GSG1L: variants seen among roughly 807,000 people sequenced by gnomAD.
GSG1L encodes the protein GSG1 like.
GSG1L carries 24 observed loss-of-function variants against 42.1 expected under a neutral mutation model. The ratio of observed to expected loss-of-function variants is 0.57; its 90% CI spans 0.41 to 0.80. GSG1L has a LOEUF of 0.80. GSG1L is among the 30% of genes least tolerant of loss of function. The pLI, the probability that GSG1L is intolerant of heterozygous loss-of-function variation, is 0.00. For synonymous variants in GSG1L, 215 were observed against 203.5 expected (o/e 1.06, Z -0.48); for missense variants, 445 against 472.2 (o/e 0.94, Z 0.53).
intron 5 of GSG1L, among the ~76,000 whole-genome samples, chr16:27,814,183 C>T (rs1191449830): frequency 6.6e-6 from 1 of 152,116 alleles, no homozygotes; most frequent in African/African-American, 2.4e-5. Flanking sequence ...ACAATCATAT[C>T]TCACTGTAAC....
In GSG1L at chr16:27,868,825, T is replaced by TG. The variant is rs145125587; in HGVS notation, c.550+15660dup. Among the ~76,000 whole-genome samples, 1,003 of 152,244 alleles carry TG rather than the reference T, an allele frequency of 6.6e-3. 7 individuals carry two copies. Among genetic ancestry groups the TG allele is most frequent in the Non-Finnish European group, 0.011 (729 of 68,014 alleles). ...CATCGTCTGCCCGTCTGCTGCCCTC[T>TG]GCCATAGCTCCTGCAATATCCCCAG... On this transcript the variant is annotated intron_variant, in intron 3 of 6. Transcript: ENST00000447459.
intron 1 of GSG1L, among the ~76,000 whole-genome samples, chr16:27,977,978 C>T (rs1255360076): frequency 1.3e-5 from 2 of 152,222 alleles, no homozygotes; most frequent in African/African-American, 4.8e-5. Flanking sequence ...CCTGACCTCC[C>T]CTCACCGCTA....
chr16:27,962,613 G>A (rs145593844), intron 2 of GSG1L, among the ~76,000 whole-genome samples: 1 of 152,296 alleles, frequency 6.6e-6, no homozygotes, highest in African/African-American at 2.4e-5. Context: ...CCTGACTCAA[G>A]CTGTGCCCTG....
Position 28,026,205 on chromosome 16 carries a change from T to C in GSG1L, c.349+36871A>G, listed in dbSNP as rs545895139. 6.6e-5 allele frequency among the ~76,000 whole-genome samples: 10 copies of C among 152,204 alleles called. No homozygotes were observed. The East Asian group carries it at 1.9e-3, about 29-fold the overall frequency. The stretch of plus-strand genomic sequence containing the variant: ...GGGCACCTTGAGGGCAGGAGCTGGG[T>C]CTCGCAAGATCTTGCAGGTCCAGCA... On this transcript the variant is annotated intron_variant, in intron 1 of 6. Transcript: ENST00000447459.
intron 2 of GSG1L, among the ~76,000 whole-genome samples, chr16:27,946,575 AAGAAAGAGAGAGAGAGAG>A (rs1232281402): frequency 0.025 from 624 of 24,852 alleles, 3 homozygotes; most frequent in Non-Finnish European, 0.036. Context: ...GAAAGAAAGA[AAGAAAGAGAGAGAGAGAG>A]AGAGAGAGAG....
intron 3 of GSG1L, among the ~76,000 whole-genome samples, chr16:27,861,309 G>A (rs1287668916): frequency 6.6e-6 from 1 of 152,016 alleles, no homozygotes; most frequent in Non-Finnish European, 1.5e-5. Context: ...CCCAGGAGAC[G>A]GAGGTTGCAG....
intron 6 of GSG1L, among the ~76,000 whole-genome samples, chr16:27,803,016 G>A (rs1005620184): frequency 2.0e-5 from 3 of 151,756 alleles, no homozygotes; most frequent in Non-Finnish European, 2.9e-5. Flanking sequence ...AGGCCCTCAC[G>A]AGCCCCTCAA....
At position 27,788,289 on chromosome 16, in the gene GSG1L, C is replaced by T. The variant is rs192434778; in HGVS notation, c.*3081G>A. 6.6e-6 allele frequency: 1 copy of T among 152,344 alleles called. No homozygotes were observed. The highest frequency in any genetic ancestry group is 6.5e-5 in the Admixed American group (1 of 15,304). The allele number at this position is 152,344 out of a possible 1,614,324, so 9.4% of individuals were successfully genotyped here. A position where few individuals can be genotyped will look rare whatever the true frequency, so the allele number is the denominator to read the frequency against. On this transcript the variant is annotated 3_prime_UTR_variant, in exon 7 of 7. Coordinates refer to ENST00000447459, the MANE Select transcript of GSG1L (RefSeq NM_001109763.2). ...CTTTCCTAAGCCAGCCCACTTTCTT[C>T]TCTTTCTTGAGTGTAAGAGGGATGA...
intron 1 of GSG1L, among the ~76,000 whole-genome samples, chr16:28,013,355 G>A (rs1254716708): frequency 2.6e-5 from 4 of 151,196 alleles, no homozygotes; most frequent in Non-Finnish European, 5.9e-5. Flanking sequence ...GAGAGCTGGC[G>A]AGCAGAGGGA....
At chr16:27,997,247 C>CA (rs2085525398) in intron 1 of GSG1L, among the ~76,000 whole-genome samples, 1 of 146,742 alleles carries the variant, frequency 6.8e-6, no homozygotes, top group Non-Finnish European at 1.5e-5. Context: ...CCAGCCATGT[C>CA]AAATCTCCCT....
intron 3 of GSG1L, among the ~76,000 whole-genome samples, chr16:27,847,716 G>A (rs1239576039): frequency 7.2e-5 from 11 of 152,204 alleles, no homozygotes; most frequent in Admixed American, 1.3e-4. Flanking sequence ...TGCTGTTCTC[G>A]TGATAGCGAG....
intron 1 of GSG1L, among the ~76,000 whole-genome samples, chr16:28,007,618 T>C (rs1567553596): frequency 6.6e-6 from 1 of 152,064 alleles, no homozygotes; most frequent in Non-Finnish European, 1.5e-5. Flanking sequence ...GCTCAGGTGA[T>C]CCTGCCACCT....
At position 27,980,901 on chromosome 16, in the gene GSG1L, CA is replaced by C. The variant is rs11390148; in HGVS notation, c.350-17699del. The stretch of plus-strand genomic sequence containing the variant: ...GTCTCAAAAACCAAAAACCAAAAAA[CA>C]AAAAAAAAAAAAAAAGAAAGAAAGA... On this transcript the variant is annotated intron_variant, in intron 1 of 6. Transcript: ENST00000447459. 8.1e-3 allele frequency among the ~76,000 whole-genome samples: 1,030 copies of C among 127,012 alleles called. 14 individuals carry two copies. Among genetic ancestry groups the C allele is most frequent in the African/African-American group, 0.024 (818 of 34,268 alleles). The allele number at this position is 127,012 out of a possible 152,430, so 83.3% of individuals were successfully genotyped here. A position where few individuals can be genotyped will look rare whatever the true frequency, so the allele number is the denominator to read the frequency against.
rs142003621 is a variant in GSG1L, at chr16:27,931,279, G to A, written c.397+31877C>T. Among the ~76,000 whole-genome samples the A allele has an allele frequency of 5.8e-4, 88 of 152,258 alleles. No homozygotes were observed. In the East Asian group the frequency reaches 0.01, roughly 17 times the overall value. On this transcript the variant is annotated intron_variant, in intron 2 of 6. Transcript: ENST00000447459. Reference sequence around the variant, plus strand: ...AGTAGAGGAGGCTGGACAGCTTCCCGGCTGCAATCTCCTGCCCATGCCTGT... The same window carrying A: ...AGTAGAGGAGGCTGGACAGCTTCCCAGCTGCAATCTCCTGCCCATGCCTGT...
intron 2 of GSG1L, among the ~76,000 whole-genome samples, chr16:27,921,323 C>T (rs866628374): frequency 5.9e-5 from 9 of 152,326 alleles, no homozygotes; most frequent in Middle Eastern, 6.8e-3. Flanking sequence ...CCCTCCAAAA[C>T]CCTGGAGTTT....
chr16:27,989,512 GGTGGATCACCTGAGGTCAGGA>G (rs2085430703), intron 1 of GSG1L, among the ~76,000 whole-genome samples: 1 of 152,212 alleles, frequency 6.6e-6, no homozygotes, highest in Non-Finnish European at 1.5e-5. Flanking sequence ...GGCCAAGGCA[GGTGGATCACCTGAGGTCAGGA>G]GTTCGAGACC....
At chr16:27,961,486 G>T (rs2085071731) in intron 2 of GSG1L, among the ~76,000 whole-genome samples, 1 of 152,240 alleles carries the variant, frequency 6.6e-6, no homozygotes, top group African/African-American at 2.4e-5. Context: ...TGCCTCTCAT[G>T]AGGTGTGAGA....
At chr16:27,942,654 AC>A (rs1380438599) in intron 2 of GSG1L, among the ~76,000 whole-genome samples, 2 of 152,214 alleles carry the variant, frequency 1.3e-5, no homozygotes, top group Non-Finnish European at 2.9e-5. Context: ...AGCCATAAAC[AC>A]AAAAAGATGT....
At chr16:27,856,389 C>T (rs554194702) in intron 3 of GSG1L, among the ~76,000 whole-genome samples, 1 of 152,354 alleles carries the variant, frequency 6.6e-6, no homozygotes, top group East Asian at 1.9e-4. Flanking sequence ...TCATAGCTCA[C>T]TGCAGCCTTC....
Sources: allele counts gnomAD v4.1 joint callset (sites outside exome capture counted in the v4.1 genomes callset), GRCh38; gene constraint gnomAD v4.1.1; transcripts MANE v1.5; gene names NCBI Gene and HGNC (gene_info 2026-07-23, HGNC 2026-07-21).